RTF1: variants seen among roughly 807,000 people sequenced by gnomAD.
RTF1 encodes the protein RTF1 homolog, Paf1/RNA polymerase II complex component, also known as RNA polymerase-associated protein RTF1 homolog.
RTF1 carries 10 observed loss-of-function variants against 95.7 expected under a neutral mutation model. The observed-to-expected ratio is 0.10, with a 90% CI of 0.06 to 0.18. RTF1 has a LOEUF of 0.18. Among genes scored for constraint, RTF1 ranks in the 10% least tolerant of loss-of-function variants. RTF1 has a pLI of 1.00. For synonymous variants in RTF1, 305 were observed against 311.8 expected (o/e 0.98, Z 0.23); for missense variants, 458 against 875.6 (o/e 0.52, Z 6.02).
intron 7 of RTF1, 96 bp downstream of exon 7, chr15:41,470,488 A>C: frequency 7.8e-7 from 1 of 1,288,608 alleles, no homozygotes; most frequent in Non-Finnish European, 1.1e-6. Flanking sequence ...TTGGGCCACT[A>C]ACTCTGACAT....
At chr15:41,454,018 C>G (rs2050800658) in intron 3 of RTF1, among the ~76,000 whole-genome samples, 1 of 152,030 alleles carries the variant, frequency 6.6e-6, no homozygotes, top group African/African-American at 2.4e-5. Context: ...CAACATTTGT[C>G]CTGTTAAGAT....
At chr15:41,436,937 A>T (rs2050706668) in intron 1 of RTF1, among the ~76,000 whole-genome samples, 2 of 150,720 alleles carry the variant, frequency 1.3e-5, no homozygotes, top group South Asian at 4.2e-4. Context: ...AATACAAAAA[A>T]TTACCCAGGT....
intron 14 of RTF1, among the ~76,000 whole-genome samples, chr15:41,477,890 G>A (rs1216330266): frequency 2.0e-5 from 3 of 152,098 alleles, no homozygotes; most frequent in Non-Finnish European, 4.4e-5. Context: ...TGGATCACCT[G>A]GGGTCAGGAG....
chr15:41,453,125 G>A, intron 3 of RTF1, 77 bp downstream of exon 3: 1 of 1,266,182 alleles, frequency 7.9e-7, no homozygotes, highest in Non-Finnish European at 1.1e-6. Flanking sequence ...GAAGTGGGGA[G>A]GAAGGGGGGT....
At chr15:41,428,887 C>T (rs192649045) in intron 1 of RTF1, among the ~76,000 whole-genome samples, 3 of 152,120 alleles carry the variant, frequency 2.0e-5, no homozygotes, top group Non-Finnish European at 4.4e-5. Flanking sequence ...CAAGCATATG[C>T]CACCACATCT....
intron 4 of RTF1, among the ~76,000 whole-genome samples, chr15:41,458,469 A>G (rs1271493755): frequency 6.6e-6 from 1 of 152,108 alleles, no homozygotes; most frequent in African/African-American, 2.4e-5. Flanking sequence ...GTAACACCGC[A>G]CTACAGGCAG....
chr15:41,470,567 C>T (rs915898281), intron 7 of RTF1, among the ~76,000 whole-genome samples, 175 bp downstream of exon 7: 3 of 151,668 alleles, frequency 2.0e-5, no homozygotes, highest in East Asian at 1.9e-4. Flanking sequence ...CTAGCCTGTA[C>T]GCTTAGACAT....
intron 2 of RTF1, among the ~76,000 whole-genome samples, chr15:41,444,270 C>G (rs2050749709): frequency 6.7e-6 from 1 of 150,116 alleles, no homozygotes; most frequent in African/African-American, 2.5e-5. Context: ...GACTCTGTCT[C>G]AAAGGAAAAA....
chr15:41,480,352 G>A (rs2050965841), intron 17 of RTF1, 27 bp downstream of exon 17: 1 of 1,474,232 alleles, frequency 6.8e-7, no homozygotes, highest in Non-Finnish European at 9.5e-7. Context: ...CGGGTGGTGA[G>A]GGCTGAGAAC....
chr15:41,418,135 A>G (rs1034302077), intron 1 of RTF1, among the ~76,000 whole-genome samples: 2 of 152,040 alleles, frequency 1.3e-5, no homozygotes, highest in African/African-American at 4.8e-5. Context: ...CTGTTTATAT[A>G]CTCTAGAAAA....
intron 1 of RTF1, among the ~76,000 whole-genome samples, chr15:41,436,896 G>C (rs542092899): frequency 7.2e-5 from 11 of 151,962 alleles, no homozygotes; most frequent in African/African-American, 2.7e-4. Context: ...AGACCATCCT[G>C]GCCAACTTGG....
chr15:41,479,017 T>G, intron 15 of RTF1, 86 bp from the exon 16 acceptor site: 1 of 866,680 alleles, frequency 1.2e-6, no homozygotes, highest in Non-Finnish European at 1.9e-6. Flanking sequence ...GTGCTTGTGA[T>G]GTTAGTTTGG....
chr15:41,422,922 C>G (rs1434609564), intron 1 of RTF1, among the ~76,000 whole-genome samples: 1 of 152,148 alleles, frequency 6.6e-6, no homozygotes, highest in Non-Finnish European at 1.5e-5. Context: ...TACAGGCGCA[C>G]GCCACCACGT....
intron 1 of RTF1, among the ~76,000 whole-genome samples, chr15:41,437,164 A>G (rs758930697): frequency 6.6e-6 from 1 of 152,074 alleles, no homozygotes; most frequent in African/African-American, 2.4e-5. Flanking sequence ...TAATGATATC[A>G]GTTGTTGTGA....
At chr15:41,444,103 AT>A (rs546711176) in intron 2 of RTF1, among the ~76,000 whole-genome samples, 228 of 150,502 alleles carry the variant, frequency 1.5e-3, no homozygotes, top group Admixed American at 5.6e-3. Context: ...TTAAAAAAAA[AT>A]TTTTTTTAAT....
chr15:41,462,556 A>G (rs2050855897), intron 4 of RTF1, among the ~76,000 whole-genome samples: 1 of 152,206 alleles, frequency 6.6e-6, no homozygotes, highest in Non-Finnish European at 1.5e-5. Context: ...CTAACTCTAA[A>G]AAATAACTTT....
rs1334772491 is a variant in RTF1 at position 41,477,149 on chromosome 15, A to G, written c.1561-16A>G. 6.2e-7 allele frequency: 1 copy of G among 1,614,198 alleles called. No individual in the cohort carries two copies. Among genetic ancestry groups the G allele is most frequent in the Admixed American group, 1.7e-5 (1 of 60,024 alleles). ...TATGTAGCCAAGAACGAACTCACAC[A>G]TCTCTCTATGTGTAGGCCATGGCTG... is the stretch of plus-strand genomic sequence containing the variant. On this transcript the variant is annotated splice_polypyrimidine_tract_variant and intron_variant, in intron 12 of 17. Coordinates refer to ENST00000389629, the MANE Select transcript of RTF1 (RefSeq NM_015138.5).
chr15:41,461,094 G>A (rs1287692168), intron 4 of RTF1, among the ~76,000 whole-genome samples: 2 of 149,116 alleles, frequency 1.3e-5, no homozygotes, highest in East Asian at 3.9e-4. Context: ...CCAGGCTGGA[G>A]TGCAATGGCA....
At chr15:41,445,182 G>A (rs1187284016) in intron 2 of RTF1, among the ~76,000 whole-genome samples, 7 of 151,968 alleles carry the variant, frequency 4.6e-5, no homozygotes, top group African/African-American at 1.7e-4. Context: ...TGATCCACCC[G>A]CCTCAGCCTC....
Sources: allele counts gnomAD v4.1 joint callset (sites outside exome capture counted in the v4.1 genomes callset), GRCh38; gene constraint gnomAD v4.1.1; transcripts MANE v1.5; gene names NCBI Gene and HGNC (gene_info 2026-07-23, HGNC 2026-07-21).